Variants in CHSY3 observed in about 807,000 individuals in gnomAD.
CHSY3 encodes N-acetylgalactosaminyl-proteoglycan 3-beta-glucuronosyltransferase 3.
A neutral mutation model predicts 67.2 loss-of-function variants in CHSY3; 35 were observed. The ratio of observed to expected loss-of-function variants is 0.52; its 90% CI spans 0.40 to 0.69. The LOEUF (loss-of-function observed/expected upper bound fraction) is 0.69, where lower values mean the gene tolerates loss of function less well. CHSY3 is among the 30% of genes least tolerant of loss of function. The probability of loss-of-function intolerance (pLI) is 0.00; values close to 1 mark genes in which losing one functional copy is unlikely to be tolerated. For missense variants in CHSY3, 1,069 were observed against 1,138.5 expected, an observed-to-expected ratio of 0.94 and a Z score of 0.88; for synonymous variants, 474 against 434.7, an observed-to-expected ratio of 1.09 and a Z score of -1.12.
intron 2 of CHSY3, among the ~76,000 whole-genome samples, chr5:130,097,303 A>G (rs1767081562): frequency 6.6e-6 from 1 of 152,240 alleles, no homozygotes; most frequent in Non-Finnish European, 1.5e-5. Flanking sequence ...CAGAGCAGCC[A>G]GTCAGCCAGT....
intron 2 of CHSY3, among the ~76,000 whole-genome samples, chr5:129,940,871 C>T (rs1761675644): frequency 6.6e-6 from 1 of 152,056 alleles, no homozygotes; most frequent in East Asian, 1.9e-4. Context: ...GATGATTTTG[C>T]CCAACTGCAG....
At chr5:130,058,602 G>T (rs1181711869) in intron 2 of CHSY3, among the ~76,000 whole-genome samples, 2 of 152,186 alleles carry the variant, frequency 1.3e-5, no homozygotes, top group Non-Finnish European at 2.9e-5. Context: ...CTCCAGCCTG[G>T]ACTAAAAGAG....
At chr5:130,083,081 G>A (rs965355251) in intron 2 of CHSY3, among the ~76,000 whole-genome samples, 9 of 151,824 alleles carry the variant, frequency 5.9e-5, no homozygotes, top group African/African-American at 2.2e-4. Flanking sequence ...GAAATGAGGC[G>A]CTTCAATCAT....
chr5:130,049,020 G>A (rs1004063197), intron 2 of CHSY3, among the ~76,000 whole-genome samples: 1 of 151,906 alleles, frequency 6.6e-6, no homozygotes, highest in African/African-American at 2.4e-5. Flanking sequence ...CACACACACA[G>A]AATTCTGATG....
chr5:129,904,876 T>A lies in CHSY3; in HGVS notation c.47T>A (p.Leu16Gln). ...RRPWMSVALG[L>Q]VLGFTAASWL... ...CCGTGGATGAGCGTGGCATTAGGGC[T>A]GGTGCTGGGCTTCACCGCCGCGTCC... Residue 16 changes from leucine (L) to glutamine (Q), a missense_variant, in exon 1 of 3, where the codon CTG becomes CAG. Coordinates refer to ENST00000305031, the MANE Select transcript of CHSY3 (RefSeq NM_175856.5). The A allele has an allele frequency of 6.6e-7, 1 of 1,509,086 alleles. No individual in the cohort carries two copies. The highest frequency in any genetic ancestry group is 8.9e-7 in the Non-Finnish European group (1 of 1,128,300). 93.5% of individuals were successfully genotyped at this position (1,509,086 alleles called of 1,614,324 possible).
intron 2 of CHSY3, among the ~76,000 whole-genome samples, chr5:129,947,621 CAA>C (rs56180180): frequency 2.1e-4 from 30 of 140,100 alleles, no homozygotes; most frequent in South Asian, 2.3e-4. Context: ...GACTCCATCT[CAA>C]AAAAAAAAAA....
At chr5:130,182,419 A>C in intron 2 of CHSY3, among the ~76,000 whole-genome samples, 1 of 151,446 alleles carries the variant, frequency 6.6e-6, no homozygotes, top group Middle Eastern at 3.4e-3. Flanking sequence ...AATCTATTGA[A>C]TTTTTTTTCT....
chr5:129,923,564 G>A (rs1308988591), intron 2 of CHSY3, among the ~76,000 whole-genome samples: 2 of 152,200 alleles, frequency 1.3e-5, no homozygotes, highest in Non-Finnish European at 2.9e-5. Context: ...GGTGGTAGGT[G>A]TGCAGTTATG....
At chr5:129,987,480 A>G (rs746331484) in intron 2 of CHSY3, among the ~76,000 whole-genome samples, 2 of 152,074 alleles carry the variant, frequency 1.3e-5, no homozygotes, top group Non-Finnish European at 2.9e-5. Context: ...CGTGATATCA[A>G]CTCCTTTATA....
chr5:130,039,063 T>C (rs1764936109), intron 2 of CHSY3, among the ~76,000 whole-genome samples: 1 of 152,052 alleles, frequency 6.6e-6, no homozygotes, highest in East Asian at 1.9e-4. Flanking sequence ...TAGATTAGGG[T>C]TATAATATTT....
intron 2 of CHSY3, among the ~76,000 whole-genome samples, chr5:130,097,047 C>T (rs550848421): frequency 3.9e-5 from 6 of 152,304 alleles, no homozygotes; most frequent in East Asian, 1.9e-4. Context: ...TGTGGGTACA[C>T]ACATACAAAG....
At chr5:130,118,524 CAT>C (rs1317753637) in intron 2 of CHSY3, among the ~76,000 whole-genome samples, 2 of 151,136 alleles carry the variant, frequency 1.3e-5, no homozygotes, top group African/African-American at 4.9e-5. Context: ...TATACAGACA[CAT>C]ATGTGTGTGT....
intron 2 of CHSY3, among the ~76,000 whole-genome samples, chr5:129,938,485 C>A (rs1761582082): frequency 6.6e-6 from 1 of 152,186 alleles, no homozygotes; most frequent in African/African-American, 2.4e-5. Flanking sequence ...CTTTGCTTCC[C>A]TTTTAAATAT....
chr5:130,113,672 A>C (rs2149705246), intron 2 of CHSY3, among the ~76,000 whole-genome samples: 1 of 152,256 alleles, frequency 6.6e-6, no homozygotes, highest in Non-Finnish European at 1.5e-5. Context: ...CTTCAGTTTG[A>C]TACATTCCAG....
intron 2 of CHSY3, among the ~76,000 whole-genome samples, chr5:130,158,559 C>G (rs375740186): frequency 1.3e-5 from 2 of 152,112 alleles, no homozygotes; most frequent in East Asian, 3.9e-4. Flanking sequence ...TGGGTCTAGA[C>G]AAGATGTGTT....
At chr5:130,039,198 A>C (rs552686148) in intron 2 of CHSY3, among the ~76,000 whole-genome samples, 1 of 152,226 alleles carries the variant, frequency 6.6e-6, no homozygotes, top group Non-Finnish European at 1.5e-5. Flanking sequence ...TAGAGATTCC[A>C]GGAACAGGAT....
intron 2 of CHSY3, among the ~76,000 whole-genome samples, chr5:130,128,229 G>GGT (rs112570550): frequency 0.12 from 17,152 of 147,232 alleles, 1,085 homozygotes; most frequent in Non-Finnish European, 0.14. Context: ...AAGAAAATGT[G>GGT]GTGTGTGTGT....
At chr5:129,930,517 G>A (rs1020176070) in intron 2 of CHSY3, among the ~76,000 whole-genome samples, 1 of 142,174 alleles carries the variant, frequency 7.0e-6, no homozygotes, top group Non-Finnish European at 1.5e-5. Flanking sequence ...GCGGGGGGGG[G>A]GTATGAAGTT....
At chr5:130,007,699 A>T (rs1369540830) in intron 2 of CHSY3, among the ~76,000 whole-genome samples, 3 of 152,074 alleles carry the variant, frequency 2.0e-5, no homozygotes, top group Non-Finnish European at 4.4e-5. Context: ...TGGTGTGGGA[A>T]CTGCTACAGT....
Sources: gnomAD v4.1 joint callset for allele counts (sites outside exome capture counted in the v4.1 genomes callset) on GRCh38, gnomAD v4.1.1 for gene constraint, MANE v1.5 for transcripts, NCBI Gene and HGNC (gene_info 2026-07-23, HGNC 2026-07-21) for gene names.